The following PRRT1B variants were observed in gnomAD, a reference collection of about 807,000 sequenced individuals.
The protein encoded by PRRT1B is dispanin subfamily D member 2.
chr9:131,551,184 C>T lies in PRRT1B; in HGVS notation c.26-3373C>T, dbSNP rs548389735. ...GTCTCAATCTCCTGACCTCATGATCCACCCGCTTCAGCCTCCCAAAATGCT... is the reference window on the plus strand; with the variant it reads ...GTCTCAATCTCCTGACCTCATGATCTACCCGCTTCAGCCTCCCAAAATGCT... On this transcript the variant is annotated intron_variant, in intron 1 of 3. Transcript: ENST00000636672. The surrounding 1 kb of genome is among the most constrained non-coding windows in gnomAD (Gnocchi z 4.4). 1.7e-3 allele frequency among the ~76,000 whole-genome samples: 257 copies of T among 152,066 alleles called. 1 individual carries two copies. The highest frequency in any genetic ancestry group is 6.8e-3 in the Middle Eastern group (2 of 294).
chr9:131,558,223 T>A, exon 4 of PRRT1B: 1 of 400,952 alleles, frequency 2.5e-6, no homozygotes, highest in Non-Finnish European at 4.4e-6. Flanking sequence ...CCTGCGGAGA[T>A]GCCGGATGCC....
intron 1 of PRRT1B, among the ~76,000 whole-genome samples, chr9:131,546,077 G>A (rs538079150): frequency 2.0e-5 from 3 of 152,286 alleles, no homozygotes; most frequent in African/African-American, 7.2e-5. Flanking sequence ...AGCCAGGGAG[G>A]GGGCAGCGGC....
downstream of PRRT1B, among the ~76,000 whole-genome samples, chr9:131,558,975 C>T (rs11243426): frequency 0.23 from 35,230 of 152,108 alleles, 4,732 homozygotes; most frequent in East Asian, 0.49. Context: ...TACCCAATGA[C>T]AGAGGATCAG....
intron 1 of PRRT1B, among the ~76,000 whole-genome samples, chr9:131,546,875 A>G (rs1950978936): frequency 6.6e-6 from 1 of 152,080 alleles, no homozygotes; most frequent in South Asian, 2.1e-4. Flanking sequence ...TTGTTATGAT[A>G]GCTGGGGCAG....
At chr9:131,558,819 G>A (rs529950343), downstream of PRRT1B, among the ~76,000 whole-genome samples, 58 of 152,292 alleles carry the variant, frequency 3.8e-4, no homozygotes, top group South Asian at 0.011. Flanking sequence ...TGACACATCC[G>A]TGCGGAGCTT....
At chr9:131,552,039 C>T (rs988725258) in intron 1 of PRRT1B, among the ~76,000 whole-genome samples, 3 of 152,170 alleles carry the variant, frequency 2.0e-5, no homozygotes, top group South Asian at 2.1e-4. Context: ...CTGACCCACC[C>T]GCCTCGGCCT....
chr9:131,545,583 G>A, exon 1 of PRRT1B: 1 of 397,914 alleles, frequency 2.5e-6, no homozygotes, highest in Non-Finnish European at 4.4e-6. Flanking sequence ...CCAGGGAGCC[G>A]CGCAGCCCTT....
intron 1 of PRRT1B, among the ~76,000 whole-genome samples, chr9:131,547,137 T>C (rs541634172): frequency 7.1e-6 from 1 of 140,048 alleles, no homozygotes; most frequent in Admixed American, 7.6e-5. Flanking sequence ...AGTGGCACAA[T>C]CTCGGCTCAC....
Position 131,546,687 on chromosome 9 carries a change from C to T in PRRT1B, c.25+1047C>T, listed in dbSNP as rs571646647. ...CACTTGCCCAGCGGGGAGCCCGGAC[C>T]CCCCTTCCCAGCTGGAATGCCTGGC... On this transcript the variant is annotated intron_variant, in intron 1 of 3. Coordinates refer to ENST00000636672, the Ensembl canonical transcript of PRRT1B. Among the ~76,000 whole-genome samples, 126 of 152,066 alleles carry T rather than the reference C, an allele frequency of 8.3e-4. 3 individuals are homozygous for T. In the South Asian group the frequency reaches 0.025, roughly 30 times the overall value.
intron 1 of PRRT1B, among the ~76,000 whole-genome samples, chr9:131,547,418 T>G (rs1950983735): frequency 6.6e-6 from 1 of 152,114 alleles, no homozygotes; most frequent in Non-Finnish European, 1.5e-5. Flanking sequence ...ACTGAGCACC[T>G]TGTGACTCCC....
At chr9:131,546,675 G>T (rs1254467108) in intron 1 of PRRT1B, among the ~76,000 whole-genome samples, 1 of 151,536 alleles carries the variant, frequency 6.6e-6, no homozygotes, top group East Asian at 2.0e-4. Context: ...TTGCCCAGCG[G>T]GGAGCCCGGA....
At chr9:131,555,536 C>T (rs1263331593) in intron 2 of PRRT1B, among the ~76,000 whole-genome samples, 2 of 151,980 alleles carry the variant, frequency 1.3e-5, no homozygotes, top group East Asian at 3.9e-4. Flanking sequence ...ATTAGCCGGG[C>T]ATGGTAGTGC....
At chr9:131,555,934 C>T (rs963361193) in intron 2 of PRRT1B, 136 bp from the exon 3 acceptor site, 4 of 396,576 alleles carry the variant, frequency 1.0e-5, no homozygotes, top group South Asian at 1.4e-4. Flanking sequence ...CCAACCCCTC[C>T]GTGAATTGCA....
intron 1 of PRRT1B, among the ~76,000 whole-genome samples, chr9:131,546,719 T>G (rs958957229): frequency 1.4e-5 from 2 of 147,898 alleles, no homozygotes; most frequent in African/African-American, 5.0e-5. Context: ...TGGCGGAGGC[T>G]CCGGTGTCAA....
Position 131,554,813 on chromosome 9 carries a change from C to A in PRRT1B, c.282C>A (p.Gly94=), listed in dbSNP as rs1951036874. The A allele has an allele frequency of 1.4e-5, 5 of 358,616 alleles. No homozygotes were observed. The East Asian group carries it at 2.1e-4, about 15-fold the overall frequency. The allele number at this position is 358,616 out of a possible 1,614,324, so 22.2% of individuals were successfully genotyped here. ...CGGTTTCCAAGGCGGCGGCCGGCGG[C>A]GCCCCCCACATCGGCTTCGTTGGGG... Residue 94 remains glycine (G), a synonymous_variant, in exon 2 of 4, where the codon GGC becomes GGA. Transcript: ENST00000636672.
chr9:131,554,267 G>A (rs917126953), intron 1 of PRRT1B, among the ~76,000 whole-genome samples: 3 of 152,176 alleles, frequency 2.0e-5, no homozygotes, highest in African/African-American at 7.2e-5. Flanking sequence ...GCCTTAGTTG[G>A]GGGTGAAACT....
rs879787195 is a variant in PRRT1B, at chr9:131,551,827, C to T, written c.26-2730C>T. On this transcript the variant is annotated intron_variant, in intron 1 of 3. Transcript: ENST00000636672. The surrounding 1 kb of genome is among the most constrained non-coding windows in gnomAD (Gnocchi z 4.4). ...TCCTATAAGACGGCCCACCCCATCT[C>T]CCTTCGCTGACTCTCTTTTTGGACT... 6.6e-6 allele frequency among the ~76,000 whole-genome samples: 1 copy of T among 151,646 alleles called. No homozygotes were observed. Among genetic ancestry groups the T allele is most frequent in the Non-Finnish European group, 1.5e-5 (1 of 67,978 alleles).
exon 2 of PRRT1B, chr9:131,554,634 G>T (rs1183247561): frequency 2.5e-6 from 1 of 394,480 alleles, no homozygotes; most frequent in South Asian, 1.3e-4. Flanking sequence ...CGCCCCCGAG[G>T]ATCCCCAGAT....
At chr9:131,555,532 C>T (rs1464163122) in intron 2 of PRRT1B, among the ~76,000 whole-genome samples, 1 of 151,890 alleles carries the variant, frequency 6.6e-6, no homozygotes, top group East Asian at 1.9e-4. Context: ...AAAAATTAGC[C>T]GGGCATGGTA....
Sources: allele counts gnomAD v4.1 joint callset (sites outside exome capture counted in the v4.1 genomes callset), GRCh38; gene constraint gnomAD v4.1.1; non-coding constraint Gnocchi (gnomAD v3.1); transcripts MANE v1.5; gene names NCBI Gene and HGNC (gene_info 2026-07-23, HGNC 2026-07-21).